PTPRD: variants seen among roughly 807,000 people sequenced by gnomAD.
PTPRD encodes receptor-type tyrosine-protein phosphatase delta.
PTPRD carries 34 observed loss-of-function variants against 214.5 expected under a neutral mutation model. That is an observed-to-expected ratio of 0.16 (90% CI 0.12 to 0.21). The LOEUF (loss-of-function observed/expected upper bound fraction) is 0.21. Among genes scored for constraint, PTPRD ranks in the 10% least tolerant of loss-of-function variants. The pLI is 1.00. For synonymous variants in PTPRD, 1,128 were observed against 845.7 expected, an observed-to-expected ratio of 1.33 and a Z score of -5.79; for missense variants, 2,545 against 2,398.7, an observed-to-expected ratio of 1.06 and a Z score of -1.27.
chr9:9,038,820 G>C (rs1049959473), intron 10 of PTPRD, among the ~76,000 whole-genome samples: 1 of 152,000 alleles, frequency 6.6e-6, no homozygotes, highest in Non-Finnish European at 1.5e-5. Flanking sequence ...GACTCCCACA[G>C]TGTTGGCATT....
chr9:10,151,307 G>C (rs1454220153), intron 3 of PTPRD, among the ~76,000 whole-genome samples: 1 of 120,712 alleles, frequency 8.3e-6, no homozygotes, highest in Non-Finnish European at 1.6e-5. Context: ...TCTGTTACCA[G>C]GCTAGAGTAC....
intron 2 of PTPRD, among the ~76,000 whole-genome samples, chr9:10,391,334 T>G (rs2098060422): frequency 6.6e-6 from 1 of 151,864 alleles, no homozygotes; most frequent in African/African-American, 2.4e-5. Flanking sequence ...ACAGTTTTCT[T>G]TTTGTCTTGA....
rs2138497348 is a variant in PTPRD at position 8,518,028 on chromosome 9, A to G, written c.1363T>C (p.Tyr455His). 1 of 1,614,186 alleles carries G rather than the reference A, an allele frequency of 6.2e-7. No homozygotes were observed. The change falls in exon 21 of 46, where the codon TAT becomes CAT. Residue 455 changes from tyrosine to histidine, a missense_variant. Physicochemically the swap from Tyr to His is moderately conservative, Grantham distance 83. Coordinates refer to ENST00000381196, the MANE Select transcript of PTPRD (RefSeq NM_002839.4). ...NGQIQGYRVYYTMDPTQHVNN... is the reference protein window; with the variant it reads ...NGQIQGYRVYHTMDPTQHVNN... ...ACATGTTGAGTGGGATCCATTGTAT[A>G]ATAAACTCTATATCCTTGGATCTGT...
intron 9 of PTPRD, among the ~76,000 whole-genome samples, chr9:9,308,697 C>T (rs893625112): frequency 6.6e-6 from 1 of 152,112 alleles, no homozygotes; most frequent in African/African-American, 2.4e-5. Context: ...GATTAAAATA[C>T]ATATATAATT....
intron 9 of PTPRD, among the ~76,000 whole-genome samples, chr9:9,277,701 T>A (rs1041179095): frequency 6.6e-6 from 1 of 151,262 alleles, no homozygotes; most frequent in Non-Finnish European, 1.5e-5. Context: ...TCCAGATGGA[T>A]TTGCTAATTA....
rs541451624 is a variant in PTPRD at position 9,970,919 on chromosome 9, T to C, written c.-471-32309A>G. Among the ~76,000 whole-genome samples, 12 of 152,350 alleles carry C rather than the reference T, an allele frequency of 7.9e-5. No homozygotes were observed. In the East Asian group the frequency reaches 1.3e-3, roughly 17 times the overall value. ...AACTGGTAGTTAAATACAGACTGTT[T>C]ATTGTTCTAAATTTTAAATTTAAAT... On this transcript the variant is annotated intron_variant, in intron 4 of 45. Coordinates refer to ENST00000381196, the MANE Select transcript of PTPRD (RefSeq NM_002839.4).
At chr9:9,959,247 T>G (rs547418521) in intron 4 of PTPRD, among the ~76,000 whole-genome samples, 1 of 152,280 alleles carries the variant, frequency 6.6e-6, no homozygotes, top group East Asian at 1.9e-4. Context: ...TATTGAGAGC[T>G]GACATATTTG....
chr9:10,468,721 T>C (rs1005887599), intron 2 of PTPRD, among the ~76,000 whole-genome samples: 2 of 152,122 alleles, frequency 1.3e-5, no homozygotes, highest in African/African-American at 4.8e-5. Flanking sequence ...TGAGAGGATG[T>C]CTTTCCTCTC....
chr9:8,329,707 GATGCCCTGCCCAGGGAGGAGT>G (rs913750666), intron 44 of PTPRD, among the ~76,000 whole-genome samples: 2 of 152,144 alleles, frequency 1.3e-5, no homozygotes, highest in African/African-American at 4.8e-5. Context: ...TTCTTTCAGA[GATGCCCTGCCCAGGGAGGAGT>G]AATCCAGAGA....
intron 36 of PTPRD, among the ~76,000 whole-genome samples, chr9:8,403,609 C>A (rs1216953907): frequency 1.3e-5 from 2 of 152,276 alleles, no homozygotes; most frequent in South Asian, 2.1e-4. Flanking sequence ...GAAAAATGAT[C>A]CGTCATGAAT....
At chr9:10,452,215 A>C (rs1588485407) in intron 2 of PTPRD, among the ~76,000 whole-genome samples, 1 of 151,928 alleles carries the variant, frequency 6.6e-6, no homozygotes, top group African/African-American at 2.4e-5. Flanking sequence ...TTCTTCCTTC[A>C]TTAATCCATT....
chr9:10,569,771 T>A (rs1435354691), intron 2 of PTPRD, among the ~76,000 whole-genome samples: 1 of 152,126 alleles, frequency 6.6e-6, no homozygotes, highest in African/African-American at 2.4e-5. Context: ...ATTCAATAGG[T>A]AAATTATATT....
intron 5 of PTPRD, among the ~76,000 whole-genome samples, chr9:9,890,952 A>G (rs545803761): frequency 4.6e-5 from 7 of 152,272 alleles, no homozygotes; most frequent in South Asian, 2.1e-4. Flanking sequence ...TGAGTTCACC[A>G]TATCTACATC....
At chr9:9,024,563 C>T (rs1442985240) in intron 10 of PTPRD, among the ~76,000 whole-genome samples, 3 of 151,664 alleles carry the variant, frequency 2.0e-5, no homozygotes, top group Non-Finnish European at 4.4e-5. Flanking sequence ...AGAGTTCCAA[C>T]TTCTCCACAC....
intron 8 of PTPRD, among the ~76,000 whole-genome samples, chr9:9,413,142 C>T (rs1418830912): frequency 3.0e-5 from 3 of 99,264 alleles, no homozygotes; most frequent in Admixed American, 1.6e-4. Flanking sequence ...GAGTCTCGCT[C>T]TGTCGCCCAG....
At chr9:10,233,061 T>C (rs1374699144) in intron 3 of PTPRD, among the ~76,000 whole-genome samples, 1 of 152,052 alleles carries the variant, frequency 6.6e-6, no homozygotes, top group Non-Finnish European at 1.5e-5. Flanking sequence ...GCTCCTTGAC[T>C]GTATTTAGTG....
intron 11 of PTPRD, among the ~76,000 whole-genome samples, chr9:8,963,517 A>G (rs769250295): frequency 9.2e-5 from 14 of 152,156 alleles, no homozygotes; most frequent in Non-Finnish European, 1.6e-4. Context: ...TGAGATGACC[A>G]TATGGTTTTT....
intron 4 of PTPRD, among the ~76,000 whole-genome samples, chr9:9,972,547 T>C (rs528061457): frequency 6.6e-6 from 1 of 152,302 alleles, no homozygotes; most frequent in Admixed American, 6.5e-5. Context: ...ATTTGTTTCT[T>C]ATTGCTACCA....
At chr9:10,609,009 C>T (rs2080234956) in intron 2 of PTPRD, among the ~76,000 whole-genome samples, 1 of 152,058 alleles carries the variant, frequency 6.6e-6, no homozygotes, top group Admixed American at 6.6e-5. Context: ...GAACTGGGTA[C>T]AAAATTCTAC....
Sources: allele counts gnomAD v4.1 joint callset (sites outside exome capture counted in the v4.1 genomes callset), GRCh38; gene constraint gnomAD v4.1.1; transcripts MANE v1.5; gene names NCBI Gene and HGNC (gene_info 2026-07-23, HGNC 2026-07-21).